Variants in RB1 observed in about 807,000 individuals in gnomAD.
The protein encoded by RB1 is retinoblastoma-associated protein.
A neutral mutation model predicts 135.4 loss-of-function variants in RB1; 18 were observed. The ratio of observed to expected loss-of-function variants is 0.13; its 90% CI spans 0.09 to 0.20. The LOEUF is 0.20. RB1 is among the 10% of genes least tolerant of loss of function. The pLI, the probability that RB1 is intolerant of heterozygous loss-of-function variation, is 1.00. For synonymous variants in RB1, 365 were observed against 373.2 expected (o/e 0.98, Z 0.25); for missense variants, 868 against 1,110.0 (o/e 0.78, Z 3.10).
Position 48,459,979 on chromosome 13 carries a change from CT to C in RB1, c.2106+154del, listed in dbSNP as rs1555294203. On this transcript the variant is annotated intron_variant, in intron 20 of 26. Transcript: ENST00000267163. ...TCTTTCTTTCTTTCTCTCTTTCTTT[CT>C]TTTTTTTGAGATAGAGTCTCACTCT... The C allele has an allele frequency of 4.7e-5, 17 of 359,764 alleles. 3 individuals are homozygous for C. In the African/African-American group the frequency reaches 6.3e-4, roughly 13 times the overall value. The allele number at this position is 359,764 out of a possible 1,614,324, so 22.3% of individuals were successfully genotyped here.
intron 17 of RB1, among the ~76,000 whole-genome samples, chr13:48,433,212 G>A (rs1442775457): frequency 6.6e-6 from 1 of 151,632 alleles, no homozygotes; most frequent in Non-Finnish European, 1.5e-5. Flanking sequence ...TCTTTTAGAC[G>A]TTAATTTTTT....
At chr13:48,420,449 T>G (rs903970569) in intron 17 of RB1, among the ~76,000 whole-genome samples, 6 of 152,184 alleles carry the variant, frequency 3.9e-5, no homozygotes, top group African/African-American at 1.4e-4. Flanking sequence ...CAGCAAAAGC[T>G]GGAAGCATTC....
intron 2 of RB1, among the ~76,000 whole-genome samples, chr13:48,316,709 C>T (rs1211991161): frequency 6.8e-6 from 1 of 147,804 alleles, no homozygotes; most frequent in Non-Finnish European, 1.5e-5. Flanking sequence ...TCCCTGCAAC[C>T]ACAGAACCAT....
At chr13:48,426,201 A>G (rs1244681592) in intron 17 of RB1, among the ~76,000 whole-genome samples, 1 of 152,220 alleles carries the variant, frequency 6.6e-6, no homozygotes, top group Non-Finnish European at 1.5e-5. Context: ...AAATGAAAAC[A>G]TATTCTGAAT....
intron 17 of RB1, among the ~76,000 whole-genome samples, chr13:48,420,479 G>T (rs780309727): frequency 5.9e-5 from 9 of 152,268 alleles, no homozygotes; most frequent in Middle Eastern, 6.8e-3. Flanking sequence ...ACTGGCACAA[G>T]ACAAGGATGC....
chr13:48,345,019 A>G (rs915319922), intron 3 of RB1, 61 bp from the exon 4 acceptor site: 3 of 1,549,828 alleles, frequency 1.9e-6, no homozygotes, highest in Non-Finnish European at 2.6e-6. Flanking sequence ...ATGATTTGAA[A>G]ACGAAATAAC....
At chr13:48,404,063 G>T (rs1948717301) in intron 17 of RB1, 1 of 152,172 alleles carries the variant, frequency 6.6e-6, no homozygotes. Context: ...ATGCCGTCCG[G>T]ACACAGCAAC....
intron 17 of RB1, among the ~76,000 whole-genome samples, chr13:48,392,808 G>C (rs1047980103): frequency 6.6e-6 from 1 of 151,098 alleles, no homozygotes; most frequent in Non-Finnish European, 1.5e-5. Flanking sequence ...TTGACTGCTT[G>C]GTGATTTTTT....
intron 19 of RB1, among the ~76,000 whole-genome samples, chr13:48,458,236 TATTTTCAGGAC>T (rs1250346661): frequency 6.6e-6 from 1 of 152,218 alleles, no homozygotes; most frequent in Non-Finnish European, 1.5e-5. Context: ...ATTTCCTGGA[TATTTTCAGGAC>T]ATTTAAGAAG....
Position 48,323,960 on chromosome 13 carries a change from A to G in RB1, c.264+16554A>G, listed in dbSNP as rs535811623. ...CACCTTTCTATATTTTACTTTCACA[A>G]TTATAAGTAAATAAAGACTTGTTTT... On this transcript the variant is annotated intron_variant, in intron 2 of 26. Transcript: ENST00000267163. Among the ~76,000 whole-genome samples, 33 of 152,192 alleles carry G rather than the reference A, an allele frequency of 2.2e-4. 2 individuals carry two copies. The highest frequency in any genetic ancestry group is 7.2e-4 in the African/African-American group (30 of 41,578).
chr13:48,395,471 A>G (rs1230565101), intron 17 of RB1, among the ~76,000 whole-genome samples: 2 of 152,180 alleles, frequency 1.3e-5, no homozygotes, highest in African/African-American at 4.8e-5. Flanking sequence ...CAAGGAAGCT[A>G]AGAACTTTGA....
chr13:48,362,359 C>A (rs1952651415), intron 7 of RB1, among the ~76,000 whole-genome samples: 1 of 151,566 alleles, frequency 6.6e-6, no homozygotes, highest in Non-Finnish European at 1.5e-5. Context: ...ATTATATTTA[C>A]TATAATATAT....
chr13:48,393,176 G>C (rs1661037022), intron 17 of RB1, among the ~76,000 whole-genome samples: 1 of 152,172 alleles, frequency 6.6e-6, no homozygotes, highest in South Asian at 2.1e-4. Flanking sequence ...GTTTTGAGTA[G>C]TATCATCACA....
intron 6 of RB1, 79 bp downstream of exon 6, chr13:48,349,102 A>G: frequency 7.0e-7 from 1 of 1,434,322 alleles, no homozygotes; most frequent in Non-Finnish European, 9.5e-7. Flanking sequence ...TAAATTCCCC[A>G]ATTTTTATTG....
At chr13:48,415,635 A>G (rs978944182) in intron 17 of RB1, 6 of 152,120 alleles carry the variant, frequency 3.9e-5, no homozygotes, top group African/African-American at 1.4e-4. Context: ...TGGATAGATC[A>G]CTATTTGTTG....
At chr13:48,407,516 TAAA>T (rs1294054023) in intron 17 of RB1, among the ~76,000 whole-genome samples, 1 of 152,188 alleles carries the variant, frequency 6.6e-6, no homozygotes, top group African/African-American at 2.4e-5. Flanking sequence ...TGACATCAAG[TAAA>T]AATGATAAAG....
intron 11 of RB1, among the ~76,000 whole-genome samples, chr13:48,369,474 A>G (rs546679259): frequency 1.5e-4 from 23 of 152,324 alleles, no homozygotes; most frequent in Admixed American, 5.9e-4. Context: ...CTAGAAATGT[A>G]AATCAGTTAC....
intron 17 of RB1, among the ~76,000 whole-genome samples, chr13:48,432,727 C>T (rs564333143): frequency 1.3e-5 from 2 of 152,092 alleles, no homozygotes; most frequent in African/African-American, 4.8e-5. Flanking sequence ...TTTGTCCTAA[C>T]TATGCTTGAG....
At chr13:48,463,094 A>G (rs1949415769) in intron 20 of RB1, among the ~76,000 whole-genome samples, 1 of 152,224 alleles carries the variant, frequency 6.6e-6, no homozygotes, top group African/African-American at 2.4e-5. Context: ...GTTCATACAA[A>G]TAAAGAAAAT....
Sources: allele counts gnomAD v4.1 joint callset (sites outside exome capture counted in the v4.1 genomes callset), GRCh38; gene constraint gnomAD v4.1.1; transcripts MANE v1.5; gene names NCBI Gene and HGNC (gene_info 2026-07-23, HGNC 2026-07-21).